SOX5: variants seen among roughly 807,000 people sequenced by gnomAD.
The protein encoded by SOX5 is SRY-box transcription factor 5, also known as transcription factor SOX-5.
In SOX5, 9 loss-of-function variants were observed where a neutral mutation model predicts 92.0. The ratio of observed to expected loss-of-function variants is 0.10; its 90% CI spans 0.06 to 0.17. SOX5 has a LOEUF of 0.17. Ranked by LOEUF, SOX5 falls within the 10% of genes least tolerant of loss-of-function variation. The pLI, the probability that SOX5 is intolerant of heterozygous loss-of-function variation, is 1.00. For synonymous variants in SOX5, 344 were observed against 336.3 expected (o/e 1.02, Z -0.25); for missense variants, 642 against 944.5 (o/e 0.68, Z 4.20).
chr12:23,943,446 A>G (rs975378884), intron 1 of SOX5, among the ~76,000 whole-genome samples: 6 of 152,146 alleles, frequency 3.9e-5, no homozygotes, highest in African/African-American at 1.4e-4. Flanking sequence ...TCACGACGGC[A>G]TAGTAGGTTT....
intron 4 of SOX5, among the ~76,000 whole-genome samples, chr12:24,060,397 G>A (rs1354963073): frequency 6.6e-6 from 1 of 152,192 alleles, no homozygotes; most frequent in Non-Finnish European, 1.5e-5. Flanking sequence ...CTCTCCTGCA[G>A]GTGCATGGGC....
At chr12:24,370,629 T>G (rs1027310013) in intron 1 of SOX5, among the ~76,000 whole-genome samples, 2 of 151,660 alleles carry the variant, frequency 1.3e-5, no homozygotes, top group Non-Finnish European at 2.9e-5. Flanking sequence ...CTGTCTCTAC[T>G]AAAAATACGA....
At position 23,826,390 on chromosome 12, in the gene SOX5, G is replaced by A. The variant is rs755222073; in HGVS notation, c.481+19593C>T. On this transcript the variant is annotated intron_variant, in intron 3 of 14. Coordinates refer to ENST00000451604, the MANE Select transcript of SOX5 (RefSeq NM_006940.6). ...AGAAAAGAATAAATAAAGCAACAAC[G>A]GCTTGTCCTATTGCAGCCCAGAACA... is the stretch of plus-strand genomic sequence containing the variant. Among the ~76,000 whole-genome samples the A allele has an allele frequency of 2.0e-5, 3 of 152,180 alleles. No homozygotes were observed. The East Asian group carries it at 5.8e-4, about 29-fold the overall frequency.
chr12:23,612,794 G>C (rs1479631832), intron 8 of SOX5, among the ~76,000 whole-genome samples: 3 of 152,118 alleles, frequency 2.0e-5, no homozygotes, highest in African/African-American at 7.2e-5. Context: ...GTTTTTAAGA[G>C]GAGGAACAGG....
intron 1 of SOX5, among the ~76,000 whole-genome samples, chr12:24,556,854 G>C (rs1416525072): frequency 6.6e-6 from 1 of 151,976 alleles, no homozygotes; most frequent in Non-Finnish European, 1.5e-5. Context: ...GTTGATCTCA[G>C]CCTCAAGAAA....
chr12:23,970,530 T>C (rs532019290), intron 4 of SOX5, among the ~76,000 whole-genome samples: 35 of 152,118 alleles, frequency 2.3e-4, no homozygotes, highest in African/African-American at 7.5e-4. Context: ...ACATATTTCA[T>C]GTAAGTGTAG....
rs184236321 is a variant in SOX5, at chr12:23,924,236, G to A, written c.38+25328C>T. Among the ~76,000 whole-genome samples, 240 of 152,250 alleles carry A rather than the reference G, an allele frequency of 1.6e-3. 1 individual carries two copies. Among genetic ancestry groups the A allele is most frequent in the African/African-American group, 5.5e-3 (229 of 41,548 alleles). On this transcript the variant is annotated intron_variant, in intron 1 of 14. Transcript: ENST00000451604. ...AATTTAACATCAGAGATTAAGCTGC[G>A]AGAAACGTATCATATTATTGCTTCT...
chr12:23,676,029 G>A (rs746623587), intron 6 of SOX5, among the ~76,000 whole-genome samples: 5 of 152,136 alleles, frequency 3.3e-5, no homozygotes, highest in Non-Finnish European at 7.3e-5. Flanking sequence ...AACCCTGTAT[G>A]CTATTGGCAG....
chr12:23,592,450 C>T (rs2137157570), intron 9 of SOX5, among the ~76,000 whole-genome samples: 1 of 152,232 alleles, frequency 6.6e-6, no homozygotes, highest in South Asian at 2.1e-4. Flanking sequence ...AATTTAAGTC[C>T]TGCAGCTCAC....
chr12:24,313,187 A>C (rs1949360454), intron 2 of SOX5, among the ~76,000 whole-genome samples: 1 of 152,088 alleles, frequency 6.6e-6, no homozygotes, highest in African/African-American at 2.4e-5. Flanking sequence ...ACCTCTACTT[A>C]AATGATCTAG....
intron 1 of SOX5, among the ~76,000 whole-genome samples, chr12:23,904,318 T>G (rs2097268096): frequency 6.7e-6 from 1 of 149,446 alleles, no homozygotes; most frequent in African/African-American, 2.6e-5. Context: ...CTCTACCCAT[T>G]TCTTCCCACA....
intron 2 of SOX5, among the ~76,000 whole-genome samples, chr12:24,338,798 C>G (rs774378847): frequency 6.6e-6 from 1 of 152,108 alleles, no homozygotes; most frequent in East Asian, 1.9e-4. Context: ...TCTTGCCTAC[C>G]ACCACGTAAG....
chr12:24,354,996 AT>A (rs1403801207), intron 2 of SOX5, among the ~76,000 whole-genome samples: 4 of 152,166 alleles, frequency 2.6e-5, no homozygotes, highest in Non-Finnish European at 5.9e-5. Context: ...ATGTGTGTGT[AT>A]TTTAACTAAG....
At chr12:23,582,933 C>T (rs1054565600) in intron 9 of SOX5, among the ~76,000 whole-genome samples, 11 of 151,930 alleles carry the variant, frequency 7.2e-5, no homozygotes, top group African/African-American at 2.2e-4. Context: ...GTTTAAAATG[C>T]CCCCTGCTCA....
At chr12:24,263,967 T>C (rs990853129) in intron 3 of SOX5, among the ~76,000 whole-genome samples, 2 of 152,346 alleles carry the variant, frequency 1.3e-5, no homozygotes, top group Admixed American at 1.3e-4. Context: ...GCAAATGATG[T>C]TATTCCAAAA....
At chr12:23,926,334 G>A (rs931616310) in intron 1 of SOX5, among the ~76,000 whole-genome samples, 1 of 152,054 alleles carries the variant, frequency 6.6e-6, no homozygotes, top group African/African-American at 2.4e-5. Context: ...CTCAGAGTCT[G>A]TAATATATGT....
chr12:23,954,178 T>C (rs1945999310), upstream of SOX5, among the ~76,000 whole-genome samples: 1 of 152,060 alleles, frequency 6.6e-6, no homozygotes, highest in African/African-American at 2.4e-5. Flanking sequence ...GAAATAAAAA[T>C]ATGTGGTCAT....
intron 4 of SOX5, among the ~76,000 whole-genome samples, chr12:24,195,139 G>GA (rs11427882): frequency 0.49 from 70,581 of 142,718 alleles, 17,586 homozygotes; most frequent in East Asian, 0.78. Context: ...AATTGTTTGG[G>GA]AAAAAAAAAA....
intron 3 of SOX5, among the ~76,000 whole-genome samples, chr12:24,250,792 G>T (rs1232230717): frequency 6.6e-6 from 1 of 152,132 alleles, no homozygotes; most frequent in African/African-American, 2.4e-5. Flanking sequence ...AGATGCCAAG[G>T]TCTAATAAGT....
Sources: gnomAD v4.1 joint callset for allele counts (sites outside exome capture counted in the v4.1 genomes callset) on GRCh38, gnomAD v4.1.1 for gene constraint, MANE v1.5 for transcripts, NCBI Gene and HGNC (gene_info 2026-07-23, HGNC 2026-07-21) for gene names.